The following MACROD2 variants were observed in gnomAD, a reference collection of about 807,000 sequenced individuals.
MACROD2 encodes the protein mono-ADP ribosylhydrolase 2.
In MACROD2, 36 loss-of-function variants were observed where a neutral mutation model predicts 70.4. The ratio of observed to expected loss-of-function variants is 0.51; its 90% CI spans 0.39 to 0.68. The LOEUF (loss-of-function observed/expected upper bound fraction) is 0.68. Ranked by LOEUF, MACROD2 falls within the 30% of genes least tolerant of loss-of-function variation. MACROD2 has a pLI of 0.00. For missense variants in MACROD2, 496 were observed against 538.4 expected, an observed-to-expected ratio of 0.92 and a Z score of 0.78; for synonymous variants, 172 against 178.8, an observed-to-expected ratio of 0.96 and a Z score of 0.30.
intron 3 of MACROD2, among the ~76,000 whole-genome samples, chr20:14,119,615 A>C (rs1295125525): frequency 6.6e-6 from 1 of 152,210 alleles, no homozygotes; most frequent in Non-Finnish European, 1.5e-5. Flanking sequence ...TCAACTTACA[A>C]ATATTAAGGA....
At chr20:14,203,936 G>A (rs1033303587) in intron 3 of MACROD2, among the ~76,000 whole-genome samples, 2 of 152,114 alleles carry the variant, frequency 1.3e-5, no homozygotes, top group African/African-American at 2.4e-5. Context: ...GTGGCAGGGT[G>A]GGTTAGGCGG....
At chr20:14,562,143 CTT>C (rs1979477917) in intron 4 of MACROD2, among the ~76,000 whole-genome samples, 1 of 151,740 alleles carries the variant, frequency 6.6e-6, no homozygotes, top group South Asian at 2.1e-4. Context: ...AGAAAAAAGA[CTT>C]TTTTAATGTC....
rs887462528 is a variant in MACROD2, at chr20:15,456,848, G to A, written c.571+25413G>A. 2.9e-4 allele frequency among the ~76,000 whole-genome samples: 44 copies of A among 152,116 alleles called. 1 individual carries two copies. Among genetic ancestry groups the A allele is most frequent in the East Asian group, 3.9e-4 (2 of 5,164 alleles). Reference sequence around the variant, plus strand: ...GTATTGTCTCCCGGCATATTCTAATGTACAGCCAGGGCTGCGATCTTCTGA... The same window carrying A: ...GTATTGTCTCCCGGCATATTCTAATATACAGCCAGGGCTGCGATCTTCTGA... On this transcript the variant is annotated intron_variant, in intron 7 of 17. Transcript: ENST00000684519.
intron 5 of MACROD2, among the ~76,000 whole-genome samples, chr20:15,034,892 T>C (rs1222853905): frequency 9.9e-5 from 15 of 152,206 alleles, no homozygotes; most frequent in Non-Finnish European, 4.4e-5. Flanking sequence ...CTCCCATTTA[T>C]ACAAATAGCA....
intron 10 of MACROD2, among the ~76,000 whole-genome samples, chr20:15,889,630 G>A (rs2064864026): frequency 6.6e-6 from 1 of 152,182 alleles, no homozygotes; most frequent in African/African-American, 2.4e-5. Context: ...TTCCTTGTAA[G>A]TCCTTTAATC....
chr20:15,288,506 A>G (rs1291836419), intron 6 of MACROD2, among the ~76,000 whole-genome samples: 1 of 152,188 alleles, frequency 6.6e-6, no homozygotes, highest in Non-Finnish European at 1.5e-5. Flanking sequence ...CAGTAGATTG[A>G]GTAAGAAAGA....
At chr20:14,917,427 C>A (rs1003679451) in intron 5 of MACROD2, among the ~76,000 whole-genome samples, 2 of 152,014 alleles carry the variant, frequency 1.3e-5, no homozygotes, top group East Asian at 1.9e-4. Flanking sequence ...TTATTGCCTT[C>A]TTGGTGGGCA....
At chr20:15,481,041 C>T (rs1373586706) in intron 7 of MACROD2, among the ~76,000 whole-genome samples, 1 of 152,216 alleles carries the variant, frequency 6.6e-6, no homozygotes, top group Non-Finnish European at 1.5e-5. Context: ...GATGGTTACA[C>T]TTTACTTTCT....
intron 2 of MACROD2, among the ~76,000 whole-genome samples, chr20:14,013,483 A>G (rs2052942958): frequency 6.6e-6 from 1 of 151,820 alleles, no homozygotes; most frequent in Non-Finnish European, 1.5e-5. Flanking sequence ...CGTGTTAGCC[A>G]GGATGATCTC....
intron 3 of MACROD2, among the ~76,000 whole-genome samples, chr20:14,443,081 GAA>G (rs990678904): frequency 2.3e-5 from 3 of 129,134 alleles, no homozygotes; most frequent in African/African-American, 2.9e-5. Context: ...TCTGTCTCAA[GAA>G]AAAAAAAAAA....
At chr20:14,181,096 C>G (rs1487265270) in intron 3 of MACROD2, among the ~76,000 whole-genome samples, 3 of 147,578 alleles carry the variant, frequency 2.0e-5, no homozygotes, top group Non-Finnish European at 4.5e-5. Context: ...GACAGGGTCT[C>G]TCTCTCTGTT....
chr20:15,943,842 T>G (rs563524374), intron 12 of MACROD2, among the ~76,000 whole-genome samples: 8 of 152,250 alleles, frequency 5.3e-5, no homozygotes, highest in African/African-American at 1.9e-4. Context: ...TAATATATCT[T>G]TATTGTAAAA....
chr20:14,197,431 T>G, intron 3 of MACROD2, among the ~76,000 whole-genome samples: 1 of 152,216 alleles, frequency 6.6e-6, no homozygotes, highest in African/African-American at 2.4e-5. Context: ...CAACTGAAAT[T>G]TTCTTACCAG....
At chr20:14,861,536 G>A (rs2073317052) in intron 5 of MACROD2, among the ~76,000 whole-genome samples, 1 of 151,956 alleles carries the variant, frequency 6.6e-6, no homozygotes, top group Non-Finnish European at 1.5e-5. Flanking sequence ...CCTCCAATTA[G>A]AAGCCAGACT....
At chr20:15,337,133 T>G (rs1282310535) in intron 6 of MACROD2, among the ~76,000 whole-genome samples, 1 of 151,784 alleles carries the variant, frequency 6.6e-6, no homozygotes, top group Non-Finnish European at 1.5e-5. Context: ...ATTAACTAAT[T>G]TGGAAGATTC....
chr20:15,761,347 A>G (rs2051433010), intron 8 of MACROD2, among the ~76,000 whole-genome samples: 1 of 152,210 alleles, frequency 6.6e-6, no homozygotes, highest in South Asian at 2.1e-4. Flanking sequence ...TGCCCGGCCA[A>G]AAGTTTTGAA....
rs537036873 is a variant in MACROD2, at chr20:14,340,400, T to C, written c.272-153079T>C. Among the ~76,000 whole-genome samples, 9 of 152,310 alleles carry C rather than the reference T, an allele frequency of 5.9e-5. No individual in the cohort carries two copies. The East Asian group carries it at 1.7e-3, about 29-fold the overall frequency. ...CTCAATAAGACGATAGCTGTCATTA[T>C]TTAAGATGGGGGACATCCAAGCACC... On this transcript the variant is annotated intron_variant, in intron 3 of 17. Transcript: ENST00000684519.
At chr20:15,773,767 A>G (rs1454919215) in intron 8 of MACROD2, among the ~76,000 whole-genome samples, 2 of 152,162 alleles carry the variant, frequency 1.3e-5, no homozygotes, top group Non-Finnish European at 2.9e-5. Context: ...TCAAATGATA[A>G]AAAATACAAA....
intron 3 of MACROD2, among the ~76,000 whole-genome samples, chr20:14,189,813 A>G (rs1284912816): frequency 6.6e-6 from 1 of 152,252 alleles, no homozygotes; most frequent in African/African-American, 2.4e-5. Flanking sequence ...TATTGTAAGA[A>G]GGCTTTATAT....
Sources: gnomAD v4.1 joint callset for allele counts (sites outside exome capture counted in the v4.1 genomes callset) on GRCh38, gnomAD v4.1.1 for gene constraint, MANE v1.5 for transcripts, NCBI Gene and HGNC (gene_info 2026-07-23, HGNC 2026-07-21) for gene names.